Variants in MAGI2 observed in about 807,000 individuals in gnomAD.
MAGI2 encodes the protein membrane associated guanylate kinase, WW and PDZ domain containing 2.
MAGI2 carries 35 observed loss-of-function variants against 133.3 expected under a neutral mutation model. That is an observed-to-expected ratio of 0.26 (90% CI 0.20 to 0.35). The LOEUF is 0.35. Among genes scored for constraint, MAGI2 ranks in the 10% least tolerant of loss-of-function variants. The pLI is 1.00. For missense variants in MAGI2, 1,636 were observed against 1,863.4 expected, an observed-to-expected ratio of 0.88 and a Z score of 2.25; for synonymous variants, 729 against 710.6, an observed-to-expected ratio of 1.03 and a Z score of -0.41.
At chr7:78,601,122 G>A (rs1280167958) in intron 3 of MAGI2, among the ~76,000 whole-genome samples, 1 of 152,150 alleles carries the variant, frequency 6.6e-6, no homozygotes, top group Non-Finnish European at 1.5e-5. Context: ...TAAAACAAAT[G>A]TGTATTTTCA....
At chr7:79,286,276 T>C (rs1314972661) in intron 1 of MAGI2, among the ~76,000 whole-genome samples, 3 of 152,094 alleles carry the variant, frequency 2.0e-5, no homozygotes, top group African/African-American at 7.2e-5. Context: ...TTGGGTTTTA[T>C]GTTATAAGCT....
intron 6 of MAGI2, among the ~76,000 whole-genome samples, chr7:78,479,315 T>C (rs1792112319): frequency 6.6e-6 from 1 of 151,946 alleles, no homozygotes; most frequent in Non-Finnish European, 1.5e-5. Flanking sequence ...CAACATTTAT[T>C]ATCAATTGGT....
chr7:79,399,079 C>CTTTTCTTTCTTTTTTTTTTTTTT (rs1585840184), intron 1 of MAGI2, among the ~76,000 whole-genome samples: 1 of 114,612 alleles, frequency 8.7e-6, no homozygotes, highest in African/African-American at 3.7e-5. Flanking sequence ...AGTATTATTT[C>CTTTTCTTTCTTTTTTTTTTTTTT]TTTTTTTTTT....
chr7:78,685,947 C>T (rs1290754433), intron 2 of MAGI2, among the ~76,000 whole-genome samples: 1 of 143,878 alleles, frequency 7.0e-6, no homozygotes, highest in African/African-American at 2.5e-5. Context: ...GGTTCCTGCT[C>T]TTACTTTCTT....
At chr7:78,141,644 T>G (rs980667270) in intron 16 of MAGI2, among the ~76,000 whole-genome samples, 1 of 152,218 alleles carries the variant, frequency 6.6e-6, no homozygotes, top group East Asian at 1.9e-4. Flanking sequence ...CCAACTGATA[T>G]GCAAAACCCA....
intron 6 of MAGI2, among the ~76,000 whole-genome samples, chr7:78,447,011 A>C (rs1788212818): frequency 6.6e-6 from 1 of 152,128 alleles, no homozygotes; most frequent in Non-Finnish European, 1.5e-5. Context: ...ATGATGGTTC[A>C]TCAGTTACAA....
intron 2 of MAGI2, among the ~76,000 whole-genome samples, chr7:78,832,375 A>G (rs1275695538): frequency 6.6e-6 from 1 of 152,216 alleles, no homozygotes; most frequent in African/African-American, 2.4e-5. Flanking sequence ...ATACATGAAT[A>G]CATAAAATCC....
intron 1 of MAGI2, among the ~76,000 whole-genome samples, chr7:79,050,283 T>C (rs939071361): frequency 1.4e-4 from 22 of 151,970 alleles, no homozygotes; most frequent in Admixed American, 1.4e-3. Flanking sequence ...GACAAACAGG[T>C]TTACTGGTCA....
At chr7:78,087,959 T>C (rs551677876) in intron 20 of MAGI2, among the ~76,000 whole-genome samples, 1 of 152,324 alleles carries the variant, frequency 6.6e-6, no homozygotes, top group East Asian at 1.9e-4. Context: ...GGCAATATCT[T>C]AAAATTATCG....
chr7:78,470,788 G>A (rs1791117835), intron 6 of MAGI2, among the ~76,000 whole-genome samples: 1 of 152,066 alleles, frequency 6.6e-6, no homozygotes. Flanking sequence ...CCAATCTATT[G>A]GCTGAGCACA....
chr7:78,599,167 C>T (rs763920393), intron 3 of MAGI2, among the ~76,000 whole-genome samples: 9 of 152,104 alleles, frequency 5.9e-5, no homozygotes, highest in South Asian at 2.1e-4. Flanking sequence ...TAGAAATTAA[C>T]GAATCATATG....
intron 1 of MAGI2, among the ~76,000 whole-genome samples, chr7:79,239,773 G>T (rs561964534): frequency 6.6e-6 from 1 of 152,128 alleles, no homozygotes; most frequent in Non-Finnish European, 1.5e-5. Flanking sequence ...ACAAAAACAC[G>T]TTTGCCACAT....
rs1795935011 is a variant in MAGI2 at position 78,882,215 on chromosome 7, A to G, written c.418+124875T>C. Among the ~76,000 whole-genome samples the G allele has an allele frequency of 2.0e-5, 3 of 151,550 alleles. No homozygotes were observed. The South Asian group carries it at 6.2e-4, about 32-fold the overall frequency. ...TCCCACCGAAATTAAAAAATAAAAA[A>G]TCTCAAGGACTGTTATGAACACCTC... is the stretch of plus-strand genomic sequence containing the variant. On this transcript the variant is annotated intron_variant, in intron 2 of 21. Coordinates refer to ENST00000354212, the MANE Select transcript of MAGI2 (RefSeq NM_012301.4).
rs1357971761 is a variant in MAGI2, at chr7:78,025,146, G to A, written c.3707-5170C>T. Among the ~76,000 whole-genome samples, 6 of 152,194 alleles carry A rather than the reference G, an allele frequency of 3.9e-5. No homozygotes were observed. The South Asian group carries it at 1.0e-3, about 26-fold the overall frequency. On this transcript the variant is annotated intron_variant, in intron 21 of 21. Coordinates refer to ENST00000354212, the MANE Select transcript of MAGI2 (RefSeq NM_012301.4). ...CTATTCTCCACCCACACTGGTCTTC[G>A]TTCAGTTCTTCAAATGCTCCAAGCT...
intron 1 of MAGI2, among the ~76,000 whole-genome samples, chr7:79,154,035 G>A (rs1182716674): frequency 6.6e-6 from 1 of 152,082 alleles, no homozygotes; most frequent in Non-Finnish European, 1.5e-5. Flanking sequence ...ATTTCTAGCT[G>A]TATATTCCTT....
At chr7:79,044,699 A>G (rs546970709) in intron 1 of MAGI2, among the ~76,000 whole-genome samples, 2 of 152,338 alleles carry the variant, frequency 1.3e-5, no homozygotes, top group African/African-American at 4.8e-5. Context: ...AAGCTCCTAG[A>G]TCTGATAAAC....
At chr7:78,891,310 C>T (rs1277679069) in intron 2 of MAGI2, among the ~76,000 whole-genome samples, 1 of 152,162 alleles carries the variant, frequency 6.6e-6, no homozygotes, top group Non-Finnish European at 1.5e-5. Flanking sequence ...CAAGGAGGAG[C>T]TGGTACCATT....
intron 1 of MAGI2, among the ~76,000 whole-genome samples, chr7:79,274,906 G>A (rs982869857): frequency 6.6e-6 from 1 of 152,000 alleles, no homozygotes; most frequent in African/African-American, 2.4e-5. Flanking sequence ...TCATTTTGGG[G>A]CACCATGAAC....
At chr7:78,473,392 C>A (rs1791424916) in intron 6 of MAGI2, among the ~76,000 whole-genome samples, 1 of 152,060 alleles carries the variant, frequency 6.6e-6, no homozygotes, top group African/African-American at 2.4e-5. Flanking sequence ...AACATTTCTG[C>A]CTTTCATCTT....
Sources: gnomAD v4.1 joint callset for allele counts (sites outside exome capture counted in the v4.1 genomes callset) on GRCh38, gnomAD v4.1.1 for gene constraint, MANE v1.5 for transcripts, NCBI Gene and HGNC (gene_info 2026-07-23, HGNC 2026-07-21) for gene names.